The following ARL13B variants were observed in gnomAD, a reference collection of about 807,000 sequenced individuals.
ARL13B encodes ARF like GTPase 13B.
Under a neutral mutation model 56.1 loss-of-function variants are expected in ARL13B, and 36 were observed. The ratio of observed to expected loss-of-function variants is 0.64; its 90% CI spans 0.49 to 0.85. ARL13B has a LOEUF of 0.85. Among genes scored for constraint, ARL13B ranks in the 40% least tolerant of loss-of-function variants. The pLI is 0.00. For missense variants in ARL13B, 519 were observed against 507.1 expected (o/e 1.02, Z -0.23); for synonymous variants, 178 against 171.1 (o/e 1.04, Z -0.32).
intron 3 of ARL13B, among the ~76,000 whole-genome samples, chr3:94,023,977 T>C (rs1452416008): frequency 6.6e-6 from 1 of 152,188 alleles, no homozygotes; most frequent in African/African-American, 2.4e-5. Context: ...AGACTGATGT[T>C]TACAGAAAGT....
At chr3:94,033,622 G>A (rs1387468708) in intron 3 of ARL13B, among the ~76,000 whole-genome samples, 2 of 152,158 alleles carry the variant, frequency 1.3e-5, no homozygotes, top group Non-Finnish European at 2.9e-5. Flanking sequence ...ATAGAATTAA[G>A]TAAAGGTCAT....
intron 2 of ARL13B, among the ~76,000 whole-genome samples, chr3:94,001,410 C>T (rs916261241): frequency 6.6e-6 from 1 of 152,094 alleles, no homozygotes; most frequent in Non-Finnish European, 1.5e-5. Flanking sequence ...CTCCCTCTGC[C>T]TAAAATATAG....
intron 1 of ARL13B, among the ~76,000 whole-genome samples, chr3:93,987,158 T>TA (rs974794784): frequency 3.5e-5 from 2 of 57,260 alleles, no homozygotes; most frequent in South Asian, 8.8e-4. Flanking sequence ...ATATTTCTGA[T>TA]TTTTTTTTTT....
intron 3 of ARL13B, among the ~76,000 whole-genome samples, chr3:94,033,849 C>G (rs964765945): frequency 5.9e-5 from 9 of 151,862 alleles, no homozygotes; most frequent in African/African-American, 2.2e-4. Flanking sequence ...CCACCAGATA[C>G]GGGAAATATA....
intron 1 of ARL13B, among the ~76,000 whole-genome samples, chr3:93,995,631 T>A (rs978500985): frequency 3.3e-5 from 5 of 152,210 alleles, no homozygotes; most frequent in African/African-American, 9.6e-5. Flanking sequence ...TCCTTTGGAT[T>A]ATCTATTGTA....
chr3:94,044,314 G>C (rs2076934418), intron 7 of ARL13B, among the ~76,000 whole-genome samples: 1 of 147,260 alleles, frequency 6.8e-6, no homozygotes, highest in Non-Finnish European at 1.5e-5. Context: ...CGCCCCGTCT[G>C]GGAGGTGAGG....
At chr3:93,981,865 C>CAAAAA (rs11396818) in intron 1 of ARL13B, among the ~76,000 whole-genome samples, 2 of 68,388 alleles carry the variant, frequency 2.9e-5, no homozygotes, top group Non-Finnish European at 5.5e-5. Flanking sequence ...AACCCTGTCT[C>CAAAAA]AAAAAAAAAA....
At position 94,055,545 on chromosome 3, in the gene ARL13B, G is replaced by A. The variant is rs1469466365; in HGVS notation, c.*2282G>A. 6.6e-6 allele frequency: 3 copies of A among 453,816 alleles called. No homozygotes were observed. Among genetic ancestry groups the A allele is most frequent in the Non-Finnish European group, 1.3e-5 (3 of 226,672 alleles). 28.1% of individuals were successfully genotyped at this position (453,816 alleles called of 1,614,324 possible). On this transcript the variant is annotated 3_prime_UTR_variant, in exon 10 of 10. Coordinates refer to ENST00000394222, the MANE Select transcript of ARL13B (RefSeq NM_001174150.2). ...TTGATGTCTGTCTTGCGTTAAAGCT[G>A]TTGGTCAACAGATATGTTTTTATGT...
chr3:94,017,843 A>G (rs1203704091), intron 3 of ARL13B, among the ~76,000 whole-genome samples: 1 of 152,132 alleles, frequency 6.6e-6, no homozygotes, highest in African/African-American at 2.4e-5. Flanking sequence ...TGTTTTAGGA[A>G]CAGAGTTATT....
At chr3:93,996,246 C>T (rs2075963463) in intron 2 of ARL13B, among the ~76,000 whole-genome samples, 1 of 152,114 alleles carries the variant, frequency 6.6e-6, no homozygotes, top group Admixed American at 6.6e-5. Flanking sequence ...AGATGAGCTG[C>T]CCCTGCTTTT....
intron 1 of ARL13B, among the ~76,000 whole-genome samples, chr3:93,982,355 G>T (rs1363327633): frequency 2.0e-5 from 3 of 152,104 alleles, no homozygotes; most frequent in Non-Finnish European, 4.4e-5. Flanking sequence ...TGTCCAGTAG[G>T]GTAACAACGA....
chr3:94,014,697 C>A, intron 3 of ARL13B: 1 of 1,612,958 alleles, frequency 6.2e-7, no homozygotes, highest in Non-Finnish European at 8.5e-7. Context: ...TAAAAACTTC[C>A]CATTTTCCTT....
intron 8 of ARL13B, among the ~76,000 whole-genome samples, chr3:94,049,917 C>T (rs1370006227): frequency 2.0e-5 from 3 of 151,372 alleles, no homozygotes; most frequent in Non-Finnish European, 4.4e-5. Flanking sequence ...CTTTGTGAGG[C>T]CGAGGCGGGC....
At chr3:94,032,916 A>G (rs375250017) in intron 3 of ARL13B, among the ~76,000 whole-genome samples, 30 of 152,210 alleles carry the variant, frequency 2.0e-4, no homozygotes, top group African/African-American at 6.8e-4. Context: ...TGAACTCAAG[A>G]TGTTTATCAC....
chr3:94,015,315 A>G, intron 3 of ARL13B: 1 of 1,479,860 alleles, frequency 6.8e-7, no homozygotes, highest in Non-Finnish European at 8.9e-7. Context: ...TTGAACAAGT[A>G]GAAATTTGGT....
rs2077097732 is a variant in ARL13B, at chr3:94,053,432, T to G, written c.*169T>G. The stretch of plus-strand genomic sequence containing the variant: ...CTGACTTGATAATTACTTATTTGTG[T>G]TTTTCATGGTTAAAAAAATAAAAGA... On this transcript the variant is annotated 3_prime_UTR_variant, in exon 10 of 10. Coordinates refer to ENST00000394222, the MANE Select transcript of ARL13B (RefSeq NM_001174150.2). The G allele has an allele frequency of 4.2e-6, 3 of 720,680 alleles. No homozygotes were observed. Among genetic ancestry groups the G allele is most frequent in the Non-Finnish European group, 7.4e-6 (3 of 406,388 alleles). 44.6% of individuals were successfully genotyped at this position (720,680 alleles called of 1,614,324 possible).
chr3:94,017,828 T>C (rs1041804671), intron 3 of ARL13B, among the ~76,000 whole-genome samples: 1 of 152,094 alleles, frequency 6.6e-6, no homozygotes, highest in African/African-American at 2.4e-5. Context: ...TGAATGAGAC[T>C]GATATGTTTT....
intron 1 of ARL13B, among the ~76,000 whole-genome samples, chr3:93,984,893 C>T (rs1444957962): frequency 6.6e-6 from 1 of 151,838 alleles, no homozygotes; most frequent in Non-Finnish European, 1.5e-5. Flanking sequence ...GCCTGTAGTC[C>T]GAGCTACTTG....
At chr3:94,033,627 G>T (rs1025273712) in intron 3 of ARL13B, among the ~76,000 whole-genome samples, 1 of 152,038 alleles carries the variant, frequency 6.6e-6, no homozygotes. Context: ...ATTAAGTAAA[G>T]GTCATCAATG....
Sources: allele counts gnomAD v4.1 joint callset (sites outside exome capture counted in the v4.1 genomes callset), GRCh38; gene constraint gnomAD v4.1.1; transcripts MANE v1.5; gene names NCBI Gene and HGNC (gene_info 2026-07-23, HGNC 2026-07-21).